The following GPC6 variants were observed in gnomAD, a reference collection of about 807,000 sequenced individuals.
The protein encoded by GPC6 is glypican 6, also known as glypican-6.
A neutral mutation model predicts 55.2 loss-of-function variants in GPC6; 14 were observed. The observed-to-expected ratio is 0.25, with a 90% CI of 0.17 to 0.40. The LOEUF is 0.40. Among genes scored for constraint, GPC6 ranks in the 10% least tolerant of loss-of-function variants. The probability of loss-of-function intolerance (pLI) is 1.00; values close to 1 mark genes in which losing one functional copy is unlikely to be tolerated. For missense variants in GPC6, 641 were observed against 708.5 expected (o/e 0.90, Z 1.08); for synonymous variants, 278 against 259.6 (o/e 1.07, Z -0.68).
chr13:93,399,270 C>T (rs1875980666), intron 1 of GPC6, among the ~76,000 whole-genome samples: 1 of 152,184 alleles, frequency 6.6e-6, no homozygotes, highest in Non-Finnish European at 1.5e-5. Context: ...CTTCATACAC[C>T]TATTGCAATT....
chr13:94,283,084 A>G (rs1345198953), intron 4 of GPC6, among the ~76,000 whole-genome samples: 1 of 152,240 alleles, frequency 6.6e-6, no homozygotes, highest in Non-Finnish European at 1.5e-5. Flanking sequence ...TTGCATCTTA[A>G]AGTCATCCAT....
intron 1 of GPC6, among the ~76,000 whole-genome samples, chr13:93,313,297 T>C (rs2139111524): frequency 6.6e-6 from 1 of 152,262 alleles, no homozygotes; most frequent in South Asian, 2.1e-4. Context: ...GTAAATTTTT[T>C]TTTTCCTTGG....
intron 8 of GPC6, 88 bp from the exon 9 acceptor site, chr13:94,402,927 G>T: frequency 4.2e-6 from 4 of 961,298 alleles, no homozygotes; most frequent in South Asian, 3.9e-5. Context: ...GGATTATGGG[G>T]ATTACAATTC....
At chr13:94,024,102 G>T (rs1594674358) in intron 3 of GPC6, among the ~76,000 whole-genome samples, 1 of 144,300 alleles carries the variant, frequency 6.9e-6, no homozygotes, top group African/African-American at 2.5e-5. Flanking sequence ...ACTGTGTATA[G>T]ACACACACAC....
intron 3 of GPC6, among the ~76,000 whole-genome samples, chr13:93,908,573 G>A (rs1244401853): frequency 1.3e-5 from 2 of 152,156 alleles, no homozygotes; most frequent in African/African-American, 4.8e-5. Flanking sequence ...CTTAGATGGT[G>A]ATCCTAATTC....
intron 1 of GPC6, among the ~76,000 whole-genome samples, chr13:93,249,398 CTGT>C (rs1876710752): frequency 6.6e-6 from 1 of 152,168 alleles, no homozygotes; most frequent in African/African-American, 2.4e-5. Flanking sequence ...GCTTCCCTTT[CTGT>C]TGTTCTGAGT....
At chr13:93,252,609 A>G (rs1486754225) in intron 1 of GPC6, among the ~76,000 whole-genome samples, 3 of 152,164 alleles carry the variant, frequency 2.0e-5, no homozygotes, top group African/African-American at 2.4e-5. Flanking sequence ...TTTATTAGGT[A>G]ACTAATCCAC....
chr13:93,368,562 A>G (rs1364936879), intron 1 of GPC6, among the ~76,000 whole-genome samples: 1 of 151,976 alleles, frequency 6.6e-6, no homozygotes, highest in Admixed American at 6.6e-5. Context: ...GTCTTTCCTC[A>G]GACCTCTAAC....
At chr13:93,401,203 A>G (rs1447819224) in intron 1 of GPC6, among the ~76,000 whole-genome samples, 1 of 126,970 alleles carries the variant, frequency 7.9e-6, no homozygotes, top group South Asian at 2.7e-4. Flanking sequence ...TGTGTGTTTG[A>G]CTTTTGTATT....
chr13:93,305,348 C>G (rs1167716066), intron 1 of GPC6, among the ~76,000 whole-genome samples: 1 of 152,050 alleles, frequency 6.6e-6, no homozygotes, highest in African/African-American at 2.4e-5. Flanking sequence ...ACATAAGACC[C>G]CTTGCTCAGC....
At chr13:94,118,140 T>C (rs1347682135) in intron 4 of GPC6, among the ~76,000 whole-genome samples, 1 of 151,996 alleles carries the variant, frequency 6.6e-6, no homozygotes, top group East Asian at 1.9e-4. Context: ...CCAAATCTCA[T>C]CTTGAATTGT....
At chr13:94,345,761 T>C (rs1315356253) in intron 6 of GPC6, among the ~76,000 whole-genome samples, 1 of 152,196 alleles carries the variant, frequency 6.6e-6, no homozygotes, top group Non-Finnish European at 1.5e-5. Flanking sequence ...ATCATTATTA[T>C]TTTTGCTAAA....
At chr13:93,443,018 A>C (rs561828417) in intron 1 of GPC6, among the ~76,000 whole-genome samples, 1 of 152,246 alleles carries the variant, frequency 6.6e-6, no homozygotes, top group African/African-American at 2.4e-5. Context: ...AACAAGTAGA[A>C]GCCTTTATAT....
chr13:93,265,683 A>T (rs1347215273), intron 1 of GPC6, among the ~76,000 whole-genome samples: 1 of 152,232 alleles, frequency 6.6e-6, no homozygotes, highest in Non-Finnish European at 1.5e-5. Context: ...ACACTGGTGT[A>T]TGTGTATATG....
chr13:93,565,231 A>G (rs958577781), intron 2 of GPC6, among the ~76,000 whole-genome samples: 1 of 152,002 alleles, frequency 6.6e-6, no homozygotes, highest in African/African-American at 2.4e-5. Context: ...GAGAAGCAGC[A>G]CTCAGTGTAA....
At chr13:93,812,145 G>A (rs1203919823) in intron 2 of GPC6, among the ~76,000 whole-genome samples, 2 of 142,028 alleles carry the variant, frequency 1.4e-5, no homozygotes, top group Admixed American at 1.4e-4. Context: ...AAGGCGGTGG[G>A]GGGGGGGGCG....
chr13:94,188,142 C>T (rs1405167100), intron 4 of GPC6, among the ~76,000 whole-genome samples: 1 of 152,170 alleles, frequency 6.6e-6, no homozygotes, highest in Non-Finnish European at 1.5e-5. Flanking sequence ...ATGAATATTA[C>T]AAATGATACT....
intron 2 of GPC6, among the ~76,000 whole-genome samples, chr13:93,557,259 A>G (rs1875528997): frequency 6.6e-6 from 1 of 152,188 alleles, no homozygotes; most frequent in African/African-American, 2.4e-5. Flanking sequence ...TATTCCCTCC[A>G]CACATACTTT....
chr13:94,252,068 C>A (rs923376742), intron 4 of GPC6, among the ~76,000 whole-genome samples: 1 of 152,130 alleles, frequency 6.6e-6, no homozygotes, highest in African/African-American at 2.4e-5. Flanking sequence ...GAACTCCTGT[C>A]ATTCTAGAGA....
Sources: allele counts gnomAD v4.1 joint callset (sites outside exome capture counted in the v4.1 genomes callset), GRCh38; gene constraint gnomAD v4.1.1; transcripts MANE v1.5; gene names NCBI Gene and HGNC (gene_info 2026-07-23, HGNC 2026-07-21).